The following GSPT1 variants were observed in gnomAD, a reference collection of about 807,000 sequenced individuals.
GSPT1 encodes the protein G1 to S phase transition 1, also known as eukaryotic peptide chain release factor GTP-binding subunit ERF3A.
In GSPT1, 20 loss-of-function variants were observed where a neutral mutation model predicts 72.5. That is an observed-to-expected ratio of 0.28 (90% CI 0.19 to 0.40). The LOEUF (loss-of-function observed/expected upper bound fraction) is 0.40, where lower values mean the gene tolerates loss of function less well. GSPT1 is among the 10% of genes least tolerant of loss of function. The pLI, the probability that GSPT1 is intolerant of heterozygous loss-of-function variation, is 1.00. For missense variants in GSPT1, 580 were observed against 811.9 expected (o/e 0.71, Z 3.47); for synonymous variants, 334 against 293.5 (o/e 1.14, Z -1.41).
chr16:11,888,000 G>A (rs2054205316), intron 6 of GSPT1, among the ~76,000 whole-genome samples: 3 of 151,860 alleles, frequency 2.0e-5, no homozygotes, highest in Admixed American at 1.3e-4. Context: ...TGTCTCTACC[G>A]AAAATACAAA....
chr16:11,909,254 G>GT, intron 1 of GSPT1, among the ~76,000 whole-genome samples: 1 of 152,234 alleles, frequency 6.6e-6, no homozygotes, highest in African/African-American at 2.4e-5. Flanking sequence ...TTAGAGTACT[G>GT]TAACAACTAG....
intron 6 of GSPT1, among the ~76,000 whole-genome samples, chr16:11,889,577 G>A (rs1251918131): frequency 4.0e-5 from 6 of 151,822 alleles, no homozygotes; most frequent in East Asian, 2.0e-4. Context: ...GCACCATCTC[G>A]GCTCACCGCA....
chr16:11,906,841 A>AT (rs1442444720), intron 1 of GSPT1, among the ~76,000 whole-genome samples: 1 of 152,126 alleles, frequency 6.6e-6, no homozygotes, highest in Non-Finnish European at 1.5e-5. Flanking sequence ...TATTTCTTGA[A>AT]TTTTTTTAAT....
At position 11,906,587 on chromosome 16, in the gene GSPT1, T is replaced by C. The variant is rs977619709; in HGVS notation, c.353-8552A>G. The stretch of plus-strand genomic sequence containing the variant: ...AGGTTGAGGCCACAGTGAGCTATGA[T>C]TGTGCCAATGAACTCCAGCCTGGGC... On this transcript the variant is annotated intron_variant, in intron 1 of 14. Coordinates refer to ENST00000434724, the MANE Select transcript of GSPT1 (RefSeq NM_002094.4). 2.6e-5 allele frequency among the ~76,000 whole-genome samples: 4 copies of C among 152,264 alleles called. No homozygotes were observed. The East Asian group carries it at 5.8e-4, about 22-fold the overall frequency.
Position 11,889,847 on chromosome 16 carries a change from C to G in GSPT1, c.776+1215G>C, listed in dbSNP as rs570875330. ...TAGAGACAGGGTTTCACCATATTGG[C>G]CAGGGTGGTCTCGAACTCCTGACCT... is the stretch of plus-strand genomic sequence containing the variant. On this transcript the variant is annotated intron_variant, in intron 6 of 14. Transcript: ENST00000434724. Among the ~76,000 whole-genome samples the G allele has an allele frequency of 5.9e-5, 9 of 151,556 alleles. No homozygotes were observed. The East Asian group carries it at 1.8e-3, about 30-fold the overall frequency.
At chr16:11,891,232 G>T in intron 5 of GSPT1, 93 bp from the exon 6 acceptor site, 1 of 579,820 alleles carries the variant, frequency 1.7e-6, no homozygotes, top group Non-Finnish European at 3.0e-6. Context: ...AAATTTCAAC[G>T]TCAGAAAATA....
At chr16:11,890,517 T>C (rs1203754486) in intron 6 of GSPT1, among the ~76,000 whole-genome samples, 1 of 152,176 alleles carries the variant, frequency 6.6e-6, no homozygotes, top group Non-Finnish European at 1.5e-5. Flanking sequence ...TAGAGGAATA[T>C]AATTTTATTT....
chr16:11,884,637 G>A lies in GSPT1; in HGVS notation c.1347+544C>T, dbSNP rs181119599. On this transcript the variant is annotated intron_variant, in intron 10 of 14. Coordinates refer to ENST00000434724, the MANE Select transcript of GSPT1 (RefSeq NM_002094.4). ...CAATTAGCTGGATGCGGTGGCACAC[G>A]CCTGTAGTCCCAGCTACTCAGGAGG... Among the ~76,000 whole-genome samples, 1,315 of 152,122 alleles carry A rather than the reference G, an allele frequency of 8.6e-3. 14 individuals carry two copies. The highest frequency in any genetic ancestry group is 0.03 in the African/African-American group (1,246 of 41,512).
intron 12 of GSPT1, among the ~76,000 whole-genome samples, chr16:11,876,899 A>G (rs1220957078): frequency 6.6e-6 from 1 of 152,246 alleles, no homozygotes; most frequent in Non-Finnish European, 1.5e-5. Context: ...CAGTAAAGTA[A>G]ACAACCTTAC....
intron 5 of GSPT1, among the ~76,000 whole-genome samples, chr16:11,892,940 A>G (rs1391738428): frequency 6.6e-6 from 1 of 151,786 alleles, no homozygotes; most frequent in Non-Finnish European, 1.5e-5. Flanking sequence ...TAATTTCACC[A>G]GTAATAAGGA....
chr16:11,915,190 G>T, intron 1 of GSPT1, 179 bp downstream of exon 1: 1 of 1,059,006 alleles, frequency 9.4e-7, no homozygotes, highest in Non-Finnish European at 1.1e-6. Flanking sequence ...GGCCACCGCC[G>T]CGGGCCGCCC....
At position 11,889,329 on chromosome 16, in the gene GSPT1, CTTTTTTTTTTTTT is replaced by C. The variant is rs902991145; in HGVS notation, c.777-1592_777-1580del. On this transcript the variant is annotated intron_variant, in intron 6 of 14. Coordinates refer to ENST00000434724, the MANE Select transcript of GSPT1 (RefSeq NM_002094.4). The stretch of plus-strand genomic sequence containing the variant: ...GCCCGGCACCCCCACCCCTCTTCTT[CTTTTTTTTTTTTT>C]TTTTTTTTTTTTTTGGAGATGGGAG... Among the ~76,000 whole-genome samples the C allele has an allele frequency of 3.0e-4, 18 of 60,072 alleles. No individual in the cohort carries two copies. In the East Asian group the frequency reaches 6.2e-3, roughly 21 times the overall value. The allele number at this position is 60,072 out of a possible 152,430, so 39.4% of individuals were successfully genotyped here.
In GSPT1 at chr16:11,882,964, A is replaced by G. The variant is rs959775120; in HGVS notation, c.1428+51T>C. On this transcript the variant is annotated intron_variant, in intron 11 of 14. Coordinates refer to ENST00000434724, the MANE Select transcript of GSPT1 (RefSeq NM_002094.4). Reference sequence around the variant, plus strand: ...AGAAGAAGACCCTATCTCTTAAAGAAAAAGAAAAAAAATCAATAAATAGAT... The same window carrying G: ...AGAAGAAGACCCTATCTCTTAAAGAGAAAGAAAAAAAATCAATAAATAGAT... 36 of 1,230,026 alleles carry G rather than the reference A, an allele frequency of 2.9e-5. No individual in the cohort carries two copies. In the Admixed American group the frequency reaches 6.2e-4, roughly 21 times the overall value. The allele number at this position is 1,230,026 out of a possible 1,614,324, so 76.2% of individuals were successfully genotyped here. A position where few individuals can be genotyped will look rare whatever the true frequency, so the allele number is the denominator to read the frequency against.
rs1567431134 is a variant in GSPT1 at position 11,870,897 on chromosome 16, C to T, written c.*2222G>A. 2 of 152,158 alleles carry T rather than the reference C, an allele frequency of 1.3e-5. No individual in the cohort carries two copies. The highest frequency in any genetic ancestry group is 1.9e-4 in the East Asian group (1 of 5,204). The allele number at this position is 152,158 out of a possible 1,614,324, so 9.4% of individuals were successfully genotyped here. A position where few individuals can be genotyped will look rare whatever the true frequency, so the allele number is the denominator to read the frequency against. ...TACTTAAGAGTCTTGGCAACATGCA[C>T]ATAATAGTCTAACAGTGTAAATGTT... On this transcript the variant is annotated 3_prime_UTR_variant, in exon 15 of 15. Coordinates refer to ENST00000434724, the MANE Select transcript of GSPT1 (RefSeq NM_002094.4).
rs1158348092 is a variant in GSPT1, at chr16:11,886,767, C to G, written c.1112+10G>C. 1 of 1,611,426 alleles carries G rather than the reference C, an allele frequency of 6.2e-7. No individual in the cohort carries two copies. The highest frequency in any genetic ancestry group is 2.2e-5 in the East Asian group (1 of 44,846). ...CCCACTAACATAAAATACCAGACAT[C>G]TACGCTCACCTCTCATTGCTCCAAT... On this transcript the variant is annotated intron_variant, in intron 8 of 14. Coordinates refer to ENST00000434724, the MANE Select transcript of GSPT1 (RefSeq NM_002094.4).
intron 5 of GSPT1, among the ~76,000 whole-genome samples, chr16:11,892,531 A>AAAAAAAAAAAAAATAAAAAAAT (rs1567443313): frequency 1.4e-5 from 2 of 139,864 alleles, no homozygotes; most frequent in African/African-American, 5.7e-5. Context: ...AACAAAAAAA[A>AAAAAAAAAAAAAATAAAAAAAT]CAAAAAATAA....
intron 1 of GSPT1, among the ~76,000 whole-genome samples, chr16:11,901,834 A>G (rs2054410784): frequency 6.6e-6 from 1 of 151,596 alleles, no homozygotes; most frequent in Non-Finnish European, 1.5e-5. Context: ...GGTGGCTCAC[A>G]TCTGTAATCC....
At chr16:11,891,639 G>C (rs892383713) in intron 5 of GSPT1, among the ~76,000 whole-genome samples, 1 of 151,488 alleles carries the variant, frequency 6.6e-6, no homozygotes, top group African/African-American at 2.4e-5. Flanking sequence ...TGGGATTACA[G>C]GCGTGAGCCA....
chr16:11,893,170 G>A (rs2054291324), intron 5 of GSPT1, among the ~76,000 whole-genome samples: 1 of 152,002 alleles, frequency 6.6e-6, no homozygotes, highest in South Asian at 2.1e-4. Flanking sequence ...TGAGGTAGGA[G>A]GATCAGTTGA....
Sources: gnomAD v4.1 joint callset for allele counts (sites outside exome capture counted in the v4.1 genomes callset) on GRCh38, gnomAD v4.1.1 for gene constraint, MANE v1.5 for transcripts, NCBI Gene and HGNC (gene_info 2026-07-23, HGNC 2026-07-21) for gene names.